RABGAP1L: variants seen among roughly 807,000 people sequenced by gnomAD.
RABGAP1L encodes RAB GTPase activating protein 1 like, also known as rab GTPase-activating protein 1-like.
In RABGAP1L, 63 loss-of-function variants were observed where a neutral mutation model predicts 137.7. The observed-to-expected ratio is 0.46, with a 90% CI of 0.37 to 0.56. The LOEUF is 0.56. Ranked by LOEUF, RABGAP1L falls within the 20% of genes least tolerant of loss-of-function variation. RABGAP1L has a pLI of 0.00. For synonymous variants in RABGAP1L, 431 were observed against 433.7 expected, an observed-to-expected ratio of 0.99 and a Z score of 0.08; for missense variants, 1,095 against 1,244.0, an observed-to-expected ratio of 0.88 and a Z score of 1.80.
At chr1:174,929,725 G>A (rs940432634) in intron 19 of RABGAP1L, among the ~76,000 whole-genome samples, 1 of 149,900 alleles carries the variant, frequency 6.7e-6, no homozygotes, top group Non-Finnish European at 1.5e-5. Flanking sequence ...TCCAGCCTGG[G>A]TGACAGAGGG....
At chr1:174,690,829 C>CTTTTTT (rs572724291) in intron 15 of RABGAP1L, among the ~76,000 whole-genome samples, 4 of 116,940 alleles carry the variant, frequency 3.4e-5, no homozygotes, top group African/African-American at 6.4e-5. Context: ...CAGCATTCAT[C>CTTTTTT]TTTTTTTTTT....
At chr1:174,814,575 A>G (rs1225091122) in intron 19 of RABGAP1L, among the ~76,000 whole-genome samples, 2 of 152,170 alleles carry the variant, frequency 1.3e-5, no homozygotes, top group Admixed American at 1.3e-4. Context: ...ACCAAGACCT[A>G]TATTTTGGTT....
In RABGAP1L at chr1:174,947,447, C is replaced by G. The variant is rs577595084; in HGVS notation, c.2341-10010C>G. On this transcript the variant is annotated intron_variant, in intron 19 of 25. Coordinates refer to ENST00000681986, the MANE Select transcript of RABGAP1L (RefSeq NM_001366446.1). ...TCGTTTTTTTGTTGAGATGGAGTTT[C>G]GCTCCTGTCACCCAGGCTGGAGTAC... 7.9e-5 allele frequency among the ~76,000 whole-genome samples: 12 copies of G among 151,784 alleles called. No individual in the cohort carries two copies. In the South Asian group the frequency reaches 2.5e-3, roughly 32 times the overall value.
At chr1:174,437,574 A>T (rs1350563198) in intron 13 of RABGAP1L, among the ~76,000 whole-genome samples, 1 of 152,226 alleles carries the variant, frequency 6.6e-6, no homozygotes, top group Non-Finnish European at 1.5e-5. Flanking sequence ...CTATGTGAGA[A>T]GACCAAACCT....
chr1:174,706,076 G>A (rs1394109159), intron 17 of RABGAP1L, among the ~76,000 whole-genome samples: 3 of 152,102 alleles, frequency 2.0e-5, no homozygotes, highest in African/African-American at 7.2e-5. Flanking sequence ...GAAAAAGAAA[G>A]ACACTGAGTT....
At chr1:174,785,599 C>T (rs1239634748) in intron 18 of RABGAP1L, among the ~76,000 whole-genome samples, 1 of 152,184 alleles carries the variant, frequency 6.6e-6, no homozygotes, top group Non-Finnish European at 1.5e-5. Flanking sequence ...GTTCTCATTT[C>T]AGAGCAAAGA....
intron 1 of RABGAP1L, among the ~76,000 whole-genome samples, chr1:174,200,896 G>A (rs761744264): frequency 6.6e-6 from 1 of 152,024 alleles, no homozygotes; most frequent in Non-Finnish European, 1.5e-5. Flanking sequence ...CTTTTTCAAT[G>A]TGTCCCCGTT....
At chr1:174,972,698 C>A (rs1244074099) in intron 21 of RABGAP1L, among the ~76,000 whole-genome samples, 1 of 151,592 alleles carries the variant, frequency 6.6e-6, no homozygotes. Context: ...ATTAAAAATA[C>A]AAAAAATTAG....
intron 13 of RABGAP1L, among the ~76,000 whole-genome samples, chr1:174,581,806 A>G (rs570599942): frequency 2.4e-4 from 37 of 152,288 alleles, no homozygotes; most frequent in Non-Finnish European, 5.0e-4. Flanking sequence ...AAGTGGAGCA[A>G]TGATGATGGA....
chr1:174,266,521 C>T (rs1674088123), intron 7 of RABGAP1L, among the ~76,000 whole-genome samples: 1 of 152,156 alleles, frequency 6.6e-6, no homozygotes, highest in Non-Finnish European at 1.5e-5. Flanking sequence ...TCAGTTACAA[C>T]ACTAGTCTCC....
chr1:174,709,533 A>G (rs1430174829), intron 17 of RABGAP1L, among the ~76,000 whole-genome samples: 1 of 152,138 alleles, frequency 6.6e-6, no homozygotes, highest in Non-Finnish European at 1.5e-5. Flanking sequence ...ACCCAGGCAA[A>G]CAGGTTCTGC....
intron 18 of RABGAP1L, among the ~76,000 whole-genome samples, chr1:174,809,901 C>T (rs892684651): frequency 6.6e-6 from 1 of 152,212 alleles, no homozygotes; most frequent in African/African-American, 2.4e-5. Context: ...ACTGCCTTTT[C>T]CAGCTAAGTT....
intron 13 of RABGAP1L, among the ~76,000 whole-genome samples, chr1:174,456,078 T>C (rs1268783942): frequency 6.6e-6 from 1 of 152,138 alleles, no homozygotes; most frequent in Non-Finnish European, 1.5e-5. Context: ...AGAAATTCTA[T>C]GTGAATTTTT....
intron 11 of RABGAP1L, among the ~76,000 whole-genome samples, chr1:174,339,120 TAAAC>T (rs1456039243): frequency 6.6e-6 from 1 of 152,218 alleles, no homozygotes; most frequent in East Asian, 1.9e-4. Context: ...TGCTTCAAAA[TAAAC>T]AGTTCTTATA....
Position 174,576,644 on chromosome 1 carries a change from TC to T in RABGAP1L, c.1711-60728del, listed in dbSNP as rs377597766. 1.5e-3 allele frequency among the ~76,000 whole-genome samples: 226 copies of T among 152,334 alleles called. 1 individual carries two copies. Among genetic ancestry groups the T allele is most frequent in the African/African-American group, 5.4e-3 (224 of 41,562 alleles). Reference sequence around the variant, plus strand: ...CTCCCTACATATATTTATAACTTTTTCCCTATTTATTTATGCTGTTTATGTT... The same window carrying T: ...CTCCCTACATATATTTATAACTTTTTCCTATTTATTTATGCTGTTTATGTT... On this transcript the variant is annotated intron_variant, in intron 13 of 25. Transcript: ENST00000681986.
At chr1:174,410,864 A>G (rs943844251) in intron 13 of RABGAP1L, among the ~76,000 whole-genome samples, 1 of 152,124 alleles carries the variant, frequency 6.6e-6, no homozygotes, top group South Asian at 2.1e-4. Flanking sequence ...GATTCTTCCA[A>G]TCCATGATCG....
chr1:174,258,394 C>G (rs1233961084), intron 7 of RABGAP1L, among the ~76,000 whole-genome samples: 1 of 152,212 alleles, frequency 6.6e-6, no homozygotes, highest in Non-Finnish European at 1.5e-5. Flanking sequence ...AAGCGATCCT[C>G]CCATCTCAGC....
At chr1:174,680,113 A>G (rs925310504) in intron 14 of RABGAP1L, among the ~76,000 whole-genome samples, 5 of 152,252 alleles carry the variant, frequency 3.3e-5, no homozygotes, top group Admixed American at 6.5e-5. Context: ...AAACAGCATT[A>G]AGAAAATGAA....
At chr1:174,355,656 A>C (rs1044808840) in intron 11 of RABGAP1L, among the ~76,000 whole-genome samples, 1 of 152,082 alleles carries the variant, frequency 6.6e-6, no homozygotes, top group East Asian at 1.9e-4. Context: ...TTTCCTTAAT[A>C]TTGTTAGCTG....
Sources: gnomAD v4.1 joint callset for allele counts (sites outside exome capture counted in the v4.1 genomes callset) on GRCh38, gnomAD v4.1.1 for gene constraint, MANE v1.5 for transcripts, NCBI Gene and HGNC (gene_info 2026-07-23, HGNC 2026-07-21) for gene names.